The following ACTR5 variants were observed in gnomAD, a reference collection of about 807,000 sequenced individuals.
ACTR5 encodes the protein actin related protein 5.
In ACTR5, 43 loss-of-function variants were observed where a neutral mutation model predicts 61.2. The ratio of observed to expected loss-of-function variants is 0.70; its 90% CI spans 0.55 to 0.91. ACTR5 has a LOEUF of 0.91. Ranked by LOEUF, ACTR5 falls within the 40% of genes least tolerant of loss-of-function variation. The pLI, the probability that ACTR5 is intolerant of heterozygous loss-of-function variation, is 0.00. For synonymous variants in ACTR5, 333 were observed against 310.5 expected (o/e 1.07, Z -0.76); for missense variants, 798 against 782.2 (o/e 1.02, Z -0.24).
rs556442850 is a variant in ACTR5, at chr20:38,751,129, T to A, written c.605+890T>A. Among the ~76,000 whole-genome samples, 7 of 147,242 alleles carry A rather than the reference T, an allele frequency of 4.8e-5. No individual in the cohort carries two copies. The East Asian group carries it at 1.4e-3, about 29-fold the overall frequency. Reference sequence around the variant, plus strand: ...GCCACCACTGTGTTCTCCTGAGGTTTCTCACATTGGCACAAAGAGACCCAC... The same window carrying A: ...GCCACCACTGTGTTCTCCTGAGGTTACTCACATTGGCACAAAGAGACCCAC... On this transcript the variant is annotated intron_variant, in intron 2 of 8. Coordinates refer to ENST00000243903, the MANE Select transcript of ACTR5 (RefSeq NM_024855.4).
At chr20:38,748,979 G>C in intron 1 of ACTR5, 126 bp downstream of exon 1, 1 of 1,200,332 alleles carries the variant, frequency 8.3e-7, no homozygotes, top group Non-Finnish European at 1.1e-6. Flanking sequence ...TAGTCGACCA[G>C]ATGCTAGGCG....
At chr20:38,767,723 C>A in intron 8 of ACTR5, 127 bp downstream of exon 8, 1 of 1,069,508 alleles carries the variant, frequency 9.4e-7, no homozygotes, top group Non-Finnish European at 1.3e-6. Context: ...GTCTTAAGTC[C>A]ATGCTTAATT....
chr20:38,762,524 G>T (rs889948906), intron 5 of ACTR5, among the ~76,000 whole-genome samples: 5 of 152,210 alleles, frequency 3.3e-5, no homozygotes, highest in African/African-American at 1.2e-4. Flanking sequence ...ACAGAAAAGT[G>T]TGTGGGATAG....
intron 8 of ACTR5, among the ~76,000 whole-genome samples, chr20:38,771,173 CCT>C (rs762505797): frequency 1.3e-5 from 2 of 152,204 alleles, no homozygotes; most frequent in Non-Finnish European, 2.9e-5. Context: ...TGCAGCGGCC[CCT>C]GTTTCCCTCT....
chr20:38,767,443 T>C (rs775111101), intron 7 of ACTR5, 21 bp from the exon 8 acceptor site: 10 of 1,612,404 alleles, frequency 6.2e-6, no homozygotes, highest in Non-Finnish European at 8.5e-6. Context: ...GGGACTATAT[T>C]AGGAGTTGTT....
In ACTR5 at chr20:38,748,744, C is replaced by T. The variant is rs1255262677; in HGVS notation, c.266C>T (p.Pro89Leu). 16 of 1,590,504 alleles carry T rather than the reference C, an allele frequency of 1.0e-5. No individual in the cohort carries two copies. Among genetic ancestry groups the T allele is most frequent in the Non-Finnish European group, 1.4e-5 (16 of 1,170,540 alleles). ...GGGAACGCTCTGGGCAGCCTGGAGC[C>T]ACTGCGCTGGATGCTGCGCTCGCCC... ...QVGNALGSLE[P>L]LRWMLRSPFD... Residue 89 changes from proline to leucine, a missense_variant, in exon 1 of 9, where the codon CCA (proline) becomes CTA (leucine). Coordinates refer to ENST00000243903, the MANE Select transcript of ACTR5 (RefSeq NM_024855.4).
chr20:38,769,603 G>A (rs1056319932), intron 8 of ACTR5, among the ~76,000 whole-genome samples: 2 of 152,100 alleles, frequency 1.3e-5, no homozygotes, highest in African/African-American at 4.8e-5. Context: ...CCATTTCCAG[G>A]GTGGGTTGAG....
chr20:38,760,731 C>T (rs1464617739), intron 5 of ACTR5, among the ~76,000 whole-genome samples: 3 of 152,198 alleles, frequency 2.0e-5, no homozygotes, highest in Admixed American at 1.3e-4. Flanking sequence ...CACACACAGG[C>T]AGTTCAATTC....
At chr20:38,768,515 A>G (rs2263750) in intron 8 of ACTR5, among the ~76,000 whole-genome samples, 36,773 of 152,204 alleles carry the variant, frequency 0.24, 4,595 homozygotes, top group Middle Eastern at 0.35. Flanking sequence ...TAATTTCCCC[A>G]GCAGTGCCTT....
chr20:38,748,525 A>T lies in ACTR5; in HGVS notation c.47A>T (p.Asp16Val). The change falls in exon 1 of 9, where the codon GAC becomes GTC. Residue 16 changes from aspartate (D) to valine (V), a missense_variant. By Grantham distance (152) the Asp-to-Val change is radical (BLOSUM62 -3). Coordinates refer to ENST00000243903, the MANE Select transcript of ACTR5 (RefSeq NM_024855.4). Reference sequence around the variant, plus strand: ...TTCCGCGACGCCCGTGCCGCACCGGACCCAGTGCTGGAGGCCGGCCCGGTG... The same window carrying T: ...TTCCGCGACGCCCGTGCCGCACCGGTCCCAGTGCTGGAGGCCGGCCCGGTG... Reference protein sequence around the residue: ...FPFRDARAAPDPVLEAGPVAH... With the variant: ...FPFRDARAAPVPVLEAGPVAH... 1 of 1,505,938 alleles carries T rather than the reference A, an allele frequency of 6.6e-7. No homozygotes were observed. The highest frequency in any genetic ancestry group is 8.8e-7 in the Non-Finnish European group (1 of 1,132,724). 93.3% of individuals were successfully genotyped at this position (1,505,938 alleles called of 1,614,324 possible). A position where few individuals can be genotyped will look rare whatever the true frequency, so the allele number is the denominator to read the frequency against.
chr20:38,752,208 T>C lies in ACTR5; in HGVS notation c.683T>C (p.Leu228Pro). 6.2e-7 allele frequency: 1 copy of C among 1,614,166 alleles called. No individual in the cohort carries two copies. The highest frequency in any genetic ancestry group is 8.5e-7 in the Non-Finnish European group (1 of 1,179,994). The change falls in exon 3 of 9, where the codon CTG becomes CCG. Residue 228 changes from leucine (L) to proline (P), a missense_variant. Physicochemically the swap from Leu to Pro is moderately conservative, Grantham distance 98. Transcript: ENST00000243903. Reference sequence around the variant, plus strand: ...GGTTACCTCCAGCGTCTCCTCCAGCTGAAGTACCCTGGGCACCTGGCAGCC... The same window carrying C: ...GGTTACCTCCAGCGTCTCCTCCAGCCGAAGTACCCTGGGCACCTGGCAGCC... Reference protein sequence around the residue: ...AAGYLQRLLQLKYPGHLAAIT... With the variant: ...AAGYLQRLLQPKYPGHLAAIT...
In ACTR5 at chr20:38,752,272, C is replaced by A; in HGVS notation, c.747C>A (p.His249Gln). The A allele has an allele frequency of 6.2e-7, 1 of 1,612,680 alleles. No homozygotes were observed. The highest frequency in any genetic ancestry group is 1.1e-5 in the South Asian group (1 of 91,036). The change falls in exon 3 of 9, where the codon CAC becomes CAA. Residue 249 changes from histidine to glutamine, a missense_variant. Coordinates refer to ENST00000243903, the MANE Select transcript of ACTR5 (RefSeq NM_024855.4). ...GCATGGAGGAGATTCTGCATGAGCA[C>A]AGCTACATCGCTGAGGATTATGTGG... ...LSRMEEILHEHSYIAEDYVEE... is the reference protein window; with the variant it reads ...LSRMEEILHEQSYIAEDYVEE...
At position 38,756,301 on chromosome 20, in the gene ACTR5, A is replaced by G. The variant is rs1355765340; in HGVS notation, c.1176+262A>G. Among the ~76,000 whole-genome samples, 3 of 152,344 alleles carry G rather than the reference A, an allele frequency of 2.0e-5. No homozygotes were observed. The East Asian group carries it at 5.8e-4, about 29-fold the overall frequency. On this transcript the variant is annotated intron_variant, in intron 5 of 8. Coordinates refer to ENST00000243903, the MANE Select transcript of ACTR5 (RefSeq NM_024855.4). ...ACACCAAACCTGTGGTGCTGTCTTG[A>G]ACCTAAACCAGCTCCACTGATAGTC...
chr20:38,756,305 T>G (rs1166339653), intron 5 of ACTR5, among the ~76,000 whole-genome samples: 1 of 152,250 alleles, frequency 6.6e-6, no homozygotes, highest in Non-Finnish European at 1.5e-5. Flanking sequence ...GTCTTGAACC[T>G]AAACCAGCTC....
At chr20:38,765,122 G>A (rs1455639795) in intron 5 of ACTR5, among the ~76,000 whole-genome samples, 1 of 152,230 alleles carries the variant, frequency 6.6e-6, no homozygotes, top group African/African-American at 2.4e-5. Context: ...ACGGGGCCCA[G>A]CCATGAGCTG....
In ACTR5 at chr20:38,771,662, A is replaced by T; in HGVS notation, c.1670A>T (p.Tyr557Phe). Residue 557 changes from tyrosine (Y) to phenylalanine (F), a missense_variant, in exon 9 of 9, where the codon TAT becomes TTT. Tyr to Phe is a conservative substitution (Grantham distance 22). Coordinates refer to ENST00000243903, the MANE Select transcript of ACTR5 (RefSeq NM_024855.4). ...DNEVWITRKE[Y>F]EEKGGEYLKE... ...GAAGTTTGGATCACCAGGAAAGAGT[A>T]TGAAGAAAAGGGAGGAGAGTACCTC... 6.2e-7 allele frequency: 1 copy of T among 1,614,190 alleles called. No individual in the cohort carries two copies. Among genetic ancestry groups the T allele is most frequent in the South Asian group, 1.1e-5 (1 of 91,074 alleles).
chr20:38,767,121 G>A (rs2084491353), intron 7 of ACTR5, among the ~76,000 whole-genome samples: 1 of 152,198 alleles, frequency 6.6e-6, no homozygotes, highest in African/African-American at 2.4e-5. Context: ...TGTCTTAATT[G>A]TAGTGATGGT....
Position 38,767,571 on chromosome 20 carries a change from T to G in ACTR5, c.1541T>G (p.Met514Arg). ...AGAATGGAGAAGGAACTGTTGGAGA[T>G]GAGACCCTTCCGGTCTTCTTTTCAG... The part of the protein sequence containing the change: ...KARMEKELLE[M>R]RPFRSSFQVQ... The change falls in exon 8 of 9, where the codon ATG becomes AGG. Residue 514 changes from methionine to arginine, a missense_variant. Transcript: ENST00000243903. 2 of 1,613,950 alleles carry G rather than the reference T, an allele frequency of 1.2e-6. No homozygotes were observed. Among genetic ancestry groups the G allele is most frequent in the Non-Finnish European group, 1.7e-6 (2 of 1,179,910 alleles).
chr20:38,761,330 AAAG>A (rs1310382024), intron 5 of ACTR5, among the ~76,000 whole-genome samples: 12 of 152,192 alleles, frequency 7.9e-5, no homozygotes, highest in Admixed American at 6.5e-4. Flanking sequence ...GGGAGGAAGA[AAAG>A]AAAAATTCCT....
Sources: gnomAD v4.1 joint callset for allele counts (sites outside exome capture counted in the v4.1 genomes callset) on GRCh38, gnomAD v4.1.1 for gene constraint, MANE v1.5 for transcripts, NCBI Gene and HGNC (gene_info 2026-07-23, HGNC 2026-07-21) for gene names.